OR3A2: variants seen among roughly 807,000 people sequenced by gnomAD.
OR3A2 encodes the protein olfactory receptor 3A2.
For missense variants in OR3A2, 318 were observed against 392.8 expected (o/e 0.81, Z 1.61); for synonymous variants, 126 against 159.3 (o/e 0.79, Z 1.57).
intron 2 of OR3A2, among the ~76,000 whole-genome samples, chr17:3,377,848 T>C (rs1249520038): frequency 6.6e-6 from 1 of 152,244 alleles, no homozygotes; most frequent in South Asian, 2.1e-4. Context: ...CCAAAGGGGA[T>C]GTAAACTAGT....
intron 2 of OR3A2, among the ~76,000 whole-genome samples, chr17:3,352,633 C>G (rs926210016): frequency 6.6e-6 from 1 of 151,944 alleles, no homozygotes; most frequent in Non-Finnish European, 1.5e-5. Flanking sequence ...CAGTACCATG[C>G]TGTTTTGGTT....
At chr17:3,349,619 TCAA>T (rs979379010) in intron 2 of OR3A2, among the ~76,000 whole-genome samples, 104 of 152,086 alleles carry the variant, frequency 6.8e-4, no homozygotes, top group African/African-American at 2.4e-3. Flanking sequence ...ATCAGACAGA[TCAA>T]CGAGACAGAA....
rs368088641 is a variant in OR3A2, at chr17:3,297,771, G to A, written c.-84-18618C>T. On this transcript the variant is annotated intron_variant, in intron 3 of 4. Coordinates refer to the OR3A2 transcript ENST00000573491. Reference sequence around the variant, plus strand: ...ATAAATGAACTTTGAAAGTATGACCGTAAGAGCAACAATATTTCAGTAAAA... The same window carrying A: ...ATAAATGAACTTTGAAAGTATGACCATAAGAGCAACAATATTTCAGTAAAA... Among the ~76,000 whole-genome samples, 59 of 152,282 alleles carry A rather than the reference G, an allele frequency of 3.9e-4. 1 individual carries two copies. In the Middle Eastern group the frequency reaches 0.017, roughly 44 times the overall value.
chr17:3,286,288 G>C (rs1176746939), upstream of OR3A2, among the ~76,000 whole-genome samples: 2 of 152,134 alleles, frequency 1.3e-5, no homozygotes, highest in Non-Finnish European at 2.9e-5. Flanking sequence ...GTATATATGT[G>C]CCACATTTTC....
chr17:3,346,526 C>G (rs73979542), intron 2 of OR3A2, among the ~76,000 whole-genome samples: 2,323 of 152,248 alleles, frequency 0.015, 63 homozygotes, highest in African/African-American at 0.052. Context: ...TCCTTTGTGT[C>G]ACAAACAATC....
chr17:3,290,230 G>A (rs2048853311), intron 3 of OR3A2, among the ~76,000 whole-genome samples: 1 of 152,110 alleles, frequency 6.6e-6, no homozygotes, highest in African/African-American at 2.4e-5. Context: ...AGAATGGGAA[G>A]CCCACATCTC....
At chr17:3,382,660 A>T (rs1370386547) in intron 2 of OR3A2, among the ~76,000 whole-genome samples, 2 of 152,238 alleles carry the variant, frequency 1.3e-5, no homozygotes, top group Admixed American at 1.3e-4. Flanking sequence ...AGCTCTAAGC[A>T]ACCCACAAAA....
chr17:3,374,774 T>C (rs1214821040), intron 2 of OR3A2, among the ~76,000 whole-genome samples: 5 of 152,226 alleles, frequency 3.3e-5, no homozygotes, highest in Admixed American at 6.5e-5. Context: ...ATAAGTTCTT[T>C]AGTGGTGATT....
At chr17:3,314,456 T>C (rs1445840457) in intron 3 of OR3A2, among the ~76,000 whole-genome samples, 1 of 152,092 alleles carries the variant, frequency 6.6e-6, no homozygotes, top group Non-Finnish European at 1.5e-5. Flanking sequence ...ACATGAGAAG[T>C]TGTATAGCAC....
At chr17:3,342,336 G>A (rs1420575390) in intron 2 of OR3A2, among the ~76,000 whole-genome samples, 1 of 152,220 alleles carries the variant, frequency 6.6e-6, no homozygotes, top group Admixed American at 6.5e-5. Context: ...TCCTTTGGAG[G>A]AGAAGAGGAG....
chr17:3,335,458 G>T lies in OR3A2; in HGVS notation c.-85+575C>A, dbSNP rs2049269462. ...ATCAATTACCTCAACACTATGTATT[G>T]AGTATTTCACTCCCTGCCCCACCCC... On this transcript the variant is annotated intron_variant, in intron 3 of 4. Coordinates refer to the OR3A2 transcript ENST00000573491. 2.6e-5 allele frequency among the ~76,000 whole-genome samples: 4 copies of T among 152,104 alleles called. 1 individual carries two copies. In the East Asian group the frequency reaches 7.7e-4, roughly 29 times the overall value.
At chr17:3,304,692 A>C (rs953308873) in intron 3 of OR3A2, among the ~76,000 whole-genome samples, 1 of 152,252 alleles carries the variant, frequency 6.6e-6, no homozygotes, top group Non-Finnish European at 1.5e-5. Context: ...AGAACAAAAA[A>C]CAGAAATATT....
At chr17:3,321,691 G>A (rs1348272656) in intron 3 of OR3A2, among the ~76,000 whole-genome samples, 1 of 151,554 alleles carries the variant, frequency 6.6e-6, no homozygotes, top group Non-Finnish European at 1.5e-5. Context: ...TTTATTGATT[G>A]GCATATGTTG....
At chr17:3,369,751 G>T (rs190654632) in intron 2 of OR3A2, among the ~76,000 whole-genome samples, 1 of 148,944 alleles carries the variant, frequency 6.7e-6, no homozygotes, top group African/African-American at 2.5e-5. Flanking sequence ...TTCACAGAAT[G>T]ATTTAGGGAA....
At chr17:3,325,084 TTTTG>T (rs2049159654) in intron 3 of OR3A2, among the ~76,000 whole-genome samples, 1 of 152,036 alleles carries the variant, frequency 6.6e-6, no homozygotes, top group South Asian at 2.1e-4. Context: ...ATTTTTATGA[TTTTG>T]TTTTTTATAT....
At chr17:3,358,922 T>C (rs1205402279) in intron 2 of OR3A2, among the ~76,000 whole-genome samples, 1 of 151,724 alleles carries the variant, frequency 6.6e-6, no homozygotes, top group East Asian at 1.9e-4. Context: ...CTATGTCTCC[T>C]TGTAGGTCTT....
At chr17:3,342,822 GA>G (rs1206030969) in intron 2 of OR3A2, among the ~76,000 whole-genome samples, 1 of 152,254 alleles carries the variant, frequency 6.6e-6, no homozygotes, top group Non-Finnish European at 1.5e-5. Context: ...AGAGCTGTCA[GA>G]CAGGGACGTT....
chr17:3,299,717 C>T (rs2855671), intron 3 of OR3A2, among the ~76,000 whole-genome samples: 72,537 of 151,556 alleles, frequency 0.48, 18,539 homozygotes, highest in East Asian at 0.96. Flanking sequence ...AAAACACTGA[C>T]GTGGTGTACA....
rs230458 is a variant in OR3A2 at position 3,349,521 on chromosome 17, A to G, written c.-178-13395T>C. The stretch of plus-strand genomic sequence containing the variant: ...TATGCACCCAATACAGGAGCACCCA[A>G]ATTCATACAGCAAGTCCTGAGTGAT... On this transcript the variant is annotated intron_variant, in intron 2 of 4. Transcript: ENST00000573491. Among the ~76,000 whole-genome samples the G allele has an allele frequency of 1.7e-3, 253 of 151,950 alleles. 1 individual carries two copies. The highest frequency in any genetic ancestry group is 5.7e-3 in the African/African-American group (236 of 41,436).
Sources: allele counts gnomAD v4.1 joint callset (sites outside exome capture counted in the v4.1 genomes callset), GRCh38; gene constraint gnomAD v4.1.1; transcripts MANE v1.5; gene names NCBI Gene and HGNC (gene_info 2026-07-23, HGNC 2026-07-21).